Variants in UNC5D observed in about 807,000 individuals in gnomAD.
The protein encoded by UNC5D is netrin receptor UNC5D.
In UNC5D, 39 loss-of-function variants were observed where a neutral mutation model predicts 105.4. That is an observed-to-expected ratio of 0.37 (90% CI 0.29 to 0.48). The LOEUF (loss-of-function observed/expected upper bound fraction) is 0.48, where lower values mean the gene tolerates loss of function less well. Ranked by LOEUF, UNC5D falls within the 20% of genes least tolerant of loss-of-function variation. The probability of loss-of-function intolerance (pLI) is 0.98; values close to 1 mark genes in which losing one functional copy is unlikely to be tolerated. For synonymous variants in UNC5D, 452 were observed against 450.4 expected (o/e 1.00, Z -0.04); for missense variants, 991 against 1,202.4 (o/e 0.82, Z 2.60).
At chr8:35,740,920 G>A (rs990288971) in intron 11 of UNC5D, among the ~76,000 whole-genome samples, 4 of 152,132 alleles carry the variant, frequency 2.6e-5, no homozygotes, top group Admixed American at 6.5e-5. Context: ...TACCTCCAGA[G>A]AAGGCTGTTT....
At chr8:35,282,468 A>C (rs1749450253) in intron 1 of UNC5D, among the ~76,000 whole-genome samples, 1 of 152,176 alleles carries the variant, frequency 6.6e-6, no homozygotes, top group South Asian at 2.1e-4. Flanking sequence ...TTATTGTCAC[A>C]TGTGAAGTCT....
chr8:35,523,601 T>A (rs1361218211), intron 1 of UNC5D, among the ~76,000 whole-genome samples: 1 of 135,872 alleles, frequency 7.4e-6, no homozygotes, highest in South Asian at 2.3e-4. Flanking sequence ...TTTTTTTTGA[T>A]GGTTAAAAAA....
chr8:35,450,203 C>A (rs923387069), intron 1 of UNC5D, among the ~76,000 whole-genome samples: 4 of 152,124 alleles, frequency 2.6e-5, no homozygotes, highest in Non-Finnish European at 5.9e-5. Context: ...CTGAATAAAT[C>A]TGGGTGAGGA....
chr8:35,522,073 T>C (rs559448093), intron 1 of UNC5D, among the ~76,000 whole-genome samples: 7 of 152,310 alleles, frequency 4.6e-5, no homozygotes, highest in African/African-American at 1.7e-4. Flanking sequence ...CATAACACCA[T>C]GCTCCCCATC....
chr8:35,539,486 T>C (rs1359505072), intron 1 of UNC5D, among the ~76,000 whole-genome samples: 1 of 152,216 alleles, frequency 6.6e-6, no homozygotes, highest in African/African-American at 2.4e-5. Flanking sequence ...TAATATTTCA[T>C]GTTCCACCAA....
intron 4 of UNC5D, among the ~76,000 whole-genome samples, chr8:35,657,412 TA>T (rs1823846143): frequency 6.6e-6 from 1 of 151,724 alleles, no homozygotes; most frequent in Admixed American, 6.6e-5. Context: ...CATTATTTTT[TA>T]TTTTTTAGAG....
chr8:35,307,114 TA>T (rs2128875853), intron 1 of UNC5D, among the ~76,000 whole-genome samples: 1 of 36,458 alleles, frequency 2.7e-5, no homozygotes, highest in Non-Finnish European at 6.2e-5. Context: ...GCTGATGAGC[TA>T]AAAAAGAAAA....
chr8:35,286,329 G>A (rs1458042676), intron 1 of UNC5D, among the ~76,000 whole-genome samples: 1 of 152,178 alleles, frequency 6.6e-6, no homozygotes, highest in Non-Finnish European at 1.5e-5. Context: ...GAACTTGGGA[G>A]TGAGTGCCAC....
At chr8:35,298,080 C>T (rs901758650) in intron 1 of UNC5D, among the ~76,000 whole-genome samples, 1 of 152,136 alleles carries the variant, frequency 6.6e-6, no homozygotes, top group Non-Finnish European at 1.5e-5. Context: ...CCCTGCTCAC[C>T]CACAGGGACT....
At chr8:35,557,844 C>A (rs1214301015) in intron 2 of UNC5D, among the ~76,000 whole-genome samples, 2 of 151,964 alleles carry the variant, frequency 1.3e-5, no homozygotes, top group Non-Finnish European at 2.9e-5. Context: ...ATGTCTCCCC[C>A]TCCAGGGCTG....
At chr8:35,298,774 A>G (rs552608420) in intron 1 of UNC5D, among the ~76,000 whole-genome samples, 27 of 152,284 alleles carry the variant, frequency 1.8e-4, no homozygotes, top group African/African-American at 6.5e-4. Flanking sequence ...TTGGAAGGAT[A>G]TATACTTGGC....
chr8:35,277,942 G>A (rs1298423417), intron 1 of UNC5D, among the ~76,000 whole-genome samples: 1 of 152,176 alleles, frequency 6.6e-6, no homozygotes, highest in Non-Finnish European at 1.5e-5. Context: ...GAAAATTTGA[G>A]AGTCAGCAGC....
chr8:35,721,738 T>G (rs770279680), intron 8 of UNC5D, among the ~76,000 whole-genome samples: 16 of 152,330 alleles, frequency 1.1e-4, no homozygotes, highest in South Asian at 6.2e-4. Flanking sequence ...TAATAGACTT[T>G]GTGTTATCTC....
At chr8:35,307,856 G>A (rs1227385609) in intron 1 of UNC5D, among the ~76,000 whole-genome samples, 8 of 152,056 alleles carry the variant, frequency 5.3e-5, no homozygotes, top group Non-Finnish European at 5.9e-5. Context: ...AACATTGATT[G>A]CAATGGAAAA....
At chr8:35,538,335 T>C (rs41409549) in intron 1 of UNC5D, among the ~76,000 whole-genome samples, 21,074 of 145,238 alleles carry the variant, frequency 0.15, 1,934 homozygotes, top group East Asian at 0.28. Context: ...CTGAAGCTAG[T>C]GGTAAATACA....
intron 4 of UNC5D, among the ~76,000 whole-genome samples, chr8:35,649,993 C>G (rs1285424973): frequency 6.6e-6 from 1 of 152,066 alleles, no homozygotes; most frequent in Non-Finnish European, 1.5e-5. Flanking sequence ...AATCATGGGT[C>G]AGATGTTAAT....
At chr8:35,700,371 T>C (rs1586472361) in intron 7 of UNC5D, among the ~76,000 whole-genome samples, 1 of 152,268 alleles carries the variant, frequency 6.6e-6, no homozygotes, top group Non-Finnish European at 1.5e-5. Context: ...AGCATTTAAA[T>C]ATGATTTACA....
intron 1 of UNC5D, among the ~76,000 whole-genome samples, chr8:35,549,036 G>T (rs538847806): frequency 6.6e-6 from 1 of 152,334 alleles, no homozygotes; most frequent in Non-Finnish European, 1.5e-5. Flanking sequence ...ATTCAAAACA[G>T]AAATTTGAGG....
chr8:35,700,428 T>G (rs1249186247), intron 7 of UNC5D, among the ~76,000 whole-genome samples: 3 of 152,018 alleles, frequency 2.0e-5, no homozygotes, highest in Non-Finnish European at 4.4e-5. Flanking sequence ...ATAAAATATA[T>G]CAAATGAACA....
Sources: allele counts gnomAD v4.1 joint callset (sites outside exome capture counted in the v4.1 genomes callset), GRCh38; gene constraint gnomAD v4.1.1; transcripts MANE v1.5; gene names NCBI Gene and HGNC (gene_info 2026-07-23, HGNC 2026-07-21).